The following ACVR2A variants were observed in gnomAD, a reference collection of about 807,000 sequenced individuals.
The protein encoded by ACVR2A is activin A receptor type 2A, also known as activin receptor type-2A.
ACVR2A carries 7 observed loss-of-function variants against 61.4 expected under a neutral mutation model. The ratio of observed to expected loss-of-function variants is 0.11; its 90% CI spans 0.06 to 0.21. The LOEUF is 0.21. Ranked by LOEUF, ACVR2A falls within the 10% of genes least tolerant of loss-of-function variation. ACVR2A has a pLI of 1.00. For synonymous variants in ACVR2A, 193 were observed against 208.3 expected (o/e 0.93, Z 0.63); for missense variants, 322 against 621.7 (o/e 0.52, Z 5.13).
Position 147,917,444 on chromosome 2 carries a change from T to C in ACVR2A, c.816+18T>C. On this transcript the variant is annotated intron_variant, in intron 6 of 10. Transcript: ENST00000241416. ...ATGAAAAGGTAAAACTACTTAACGT[T>C]TTACTTTAGTAAAGTCTGAGTTGGC... The C allele has an allele frequency of 6.2e-7, 1 of 1,609,418 alleles. No individual in the cohort carries two copies. The highest frequency in any genetic ancestry group is 8.5e-7 in the Non-Finnish European group (1 of 1,177,642).
chr2:147,888,335 A>T (rs933290430), intron 1 of ACVR2A, among the ~76,000 whole-genome samples: 2 of 152,292 alleles, frequency 1.3e-5, no homozygotes, highest in East Asian at 3.9e-4. Flanking sequence ...TGAGATTTTG[A>T]TATGAATTGC....
intron 4 of ACVR2A, among the ~76,000 whole-genome samples, chr2:147,911,238 T>C (rs1337471117): frequency 1.3e-5 from 2 of 152,094 alleles, no homozygotes; most frequent in African/African-American, 4.8e-5. Context: ...AGACTTGATT[T>C]AGTTTGTTTG....
chr2:147,915,908 G>T (rs1191308697), intron 5 of ACVR2A, among the ~76,000 whole-genome samples: 2 of 151,722 alleles, frequency 1.3e-5, no homozygotes, highest in African/African-American at 4.8e-5. Context: ...AGCTATTCTT[G>T]TGTTTTGTTT....
intron 4 of ACVR2A, among the ~76,000 whole-genome samples, chr2:147,907,432 G>C (rs971500464): frequency 6.6e-6 from 1 of 152,162 alleles, no homozygotes; most frequent in African/African-American, 2.4e-5. Flanking sequence ...TTCTACTATG[G>C]TTGAACTAAT....
intron 4 of ACVR2A, among the ~76,000 whole-genome samples, chr2:147,904,716 G>A (rs1686946839): frequency 6.6e-6 from 1 of 151,960 alleles, no homozygotes; most frequent in South Asian, 2.1e-4. Flanking sequence ...CAAGCCATCT[G>A]TGAAAATGCT....
chr2:147,845,278 T>G (rs1685278361), intron 1 of ACVR2A, 71 bp downstream of exon 1: 2 of 1,474,380 alleles, frequency 1.4e-6, no homozygotes, highest in African/African-American at 2.8e-5. Flanking sequence ...GGGCCGCGGC[T>G]GGTGTTGAGT....
At chr2:147,874,410 AC>A (rs1686104002) in intron 1 of ACVR2A, among the ~76,000 whole-genome samples, 2 of 151,908 alleles carry the variant, frequency 1.3e-5, no homozygotes, top group Admixed American at 1.3e-4. Context: ...AAAAAGAGTT[AC>A]CATTGTGTTT....
chr2:147,900,995 G>T (rs1232891363), intron 4 of ACVR2A, among the ~76,000 whole-genome samples: 1 of 151,978 alleles, frequency 6.6e-6, no homozygotes, highest in African/African-American at 2.4e-5. Context: ...TGTATATAGA[G>T]AAATAAACCC....
intron 1 of ACVR2A, among the ~76,000 whole-genome samples, chr2:147,862,702 C>T (rs1685757742): frequency 6.6e-6 from 1 of 151,890 alleles, no homozygotes; most frequent in Non-Finnish European, 1.5e-5. Flanking sequence ...CGAGATTGCG[C>T]CACTGCACTC....
chr2:147,847,731 A>C (rs1685348390), intron 1 of ACVR2A, among the ~76,000 whole-genome samples: 2 of 152,154 alleles, frequency 1.3e-5, no homozygotes, highest in Non-Finnish European at 1.5e-5. Context: ...CCTATCCTGG[A>C]GTGCCTTCAG....
intron 1 of ACVR2A, among the ~76,000 whole-genome samples, chr2:147,890,215 A>G (rs566989619): frequency 1.3e-5 from 2 of 152,296 alleles, no homozygotes; most frequent in East Asian, 1.9e-4. Context: ...TTCTGTATAC[A>G]TTAGAAGTAG....
chr2:147,850,158 A>G (rs1054417448), intron 1 of ACVR2A, among the ~76,000 whole-genome samples: 13 of 150,736 alleles, frequency 8.6e-5, no homozygotes, highest in African/African-American at 3.2e-4. Flanking sequence ...TTCCCTTTCC[A>G]TTTTCCTCCC....
At position 147,893,407 on chromosome 2, in the gene ACVR2A, T is replaced by C. The variant is rs573426495; in HGVS notation, c.56-2894T>C. 4.5e-4 allele frequency among the ~76,000 whole-genome samples: 68 copies of C among 152,330 alleles called. 2 individuals carry two copies. Among genetic ancestry groups the C allele is most frequent in the Non-Finnish European group, 7.8e-4 (53 of 68,030 alleles). On this transcript the variant is annotated intron_variant, in intron 1 of 10. Transcript: ENST00000241416. ...CGTAGATACCTACACATGTGATTGC[T>C]GGGTAGTATGGCTGGTGTATGTTTT...
intron 1 of ACVR2A, among the ~76,000 whole-genome samples, chr2:147,866,089 A>G (rs1176812982): frequency 6.6e-6 from 1 of 152,180 alleles, no homozygotes; most frequent in Non-Finnish European, 1.5e-5. Context: ...CAGGGGAGCC[A>G]ATGTCATGGC....
At chr2:147,877,881 T>C (rs1292389619) in intron 1 of ACVR2A, among the ~76,000 whole-genome samples, 2 of 152,244 alleles carry the variant, frequency 1.3e-5, no homozygotes, top group Admixed American at 6.5e-5. Context: ...CTGTGTCTTA[T>C]CTATGTTCTG....
intron 1 of ACVR2A, among the ~76,000 whole-genome samples, chr2:147,864,767 TAAAC>T (rs1287676201): frequency 6.6e-6 from 1 of 152,130 alleles, no homozygotes; most frequent in Admixed American, 6.5e-5. Flanking sequence ...CCATTATAAT[TAAAC>T]AATAATCCAC....
chr2:147,876,297 G>T (rs1400784123), intron 1 of ACVR2A, among the ~76,000 whole-genome samples: 2 of 151,306 alleles, frequency 1.3e-5, no homozygotes, highest in African/African-American at 2.4e-5. Context: ...CTTTTTTATT[G>T]TATAGTATAA....
intron 3 of ACVR2A, 44 bp from the exon 4 acceptor site, chr2:147,899,700 T>C: frequency 6.2e-7 from 1 of 1,604,778 alleles, no homozygotes; most frequent in Non-Finnish European, 8.5e-7. Context: ...ATTATAGAAT[T>C]TTGTAGACCA....
intron 1 of ACVR2A, among the ~76,000 whole-genome samples, chr2:147,849,013 T>C (rs1281528648): frequency 6.6e-6 from 1 of 152,128 alleles, no homozygotes; most frequent in African/African-American, 2.4e-5. Context: ...ATGATTAAAT[T>C]AGAGAAACAG....
Sources: allele counts gnomAD v4.1 joint callset (sites outside exome capture counted in the v4.1 genomes callset), GRCh38; gene constraint gnomAD v4.1.1; transcripts MANE v1.5; gene names NCBI Gene and HGNC (gene_info 2026-07-23, HGNC 2026-07-21).